The following LST1 variants were observed in gnomAD, a reference collection of about 807,000 sequenced individuals.
The protein encoded by LST1 is leukocyte-specific transcript 1 protein.
LST1 carries 9 observed loss-of-function variants against 8.5 expected under a neutral mutation model. The ratio of observed to expected loss-of-function variants is 1.06; its 90% CI spans 0.64 to 1.85. The LOEUF is 1.85. Ranked by LOEUF, LST1 falls within the 40% of genes most tolerant of loss-of-function variation. The pLI is 0.00. For missense variants in LST1, 121 were observed against 117.1 expected, an observed-to-expected ratio of 1.03 and a Z score of -0.16; for synonymous variants, 53 against 50.4, an observed-to-expected ratio of 1.05 and a Z score of -0.21.
At position 31,588,627 on chromosome 6, in the gene LST1, A is replaced by T; in HGVS notation, c.245A>T (p.Glu82Val). 13 of 1,613,162 alleles carry T rather than the reference A, an allele frequency of 8.1e-6. No homozygotes were observed. Among genetic ancestry groups the T allele is most frequent in the Non-Finnish European group, 8.5e-6 (10 of 1,180,032 alleles). ...LRGRDKRGTK[E>V]DPRADYACIA... ...GGCAGAGACAAGAGAGGCACCAAGGAGGATCCAAGAGCTGACTATGCCTGC... is the reference window on the plus strand; with the variant it reads ...GGCAGAGACAAGAGAGGCACCAAGGTGGATCCAAGAGCTGACTATGCCTGC... The change falls in exon 5 of 5, where the codon GAG (glutamate) becomes GTG (valine). Residue 82 changes from glutamate (E) to valine (V), a missense_variant. Coordinates refer to ENST00000438075, the MANE Select transcript of LST1 (RefSeq NM_205839.3).
chr6:31,588,372 A>G (rs1668497604), intron 4 of LST1, 146 bp from the exon 5 acceptor site: 8 of 792,082 alleles, frequency 1.0e-5, no homozygotes, highest in Non-Finnish European at 1.6e-5. Context: ...CTCCAAAGAA[A>G]AAAGAGAGAG....
chr6:31,588,078 G>C, intron 4 of LST1, 112 bp downstream of exon 4: 1 of 1,118,578 alleles, frequency 8.9e-7, no homozygotes, highest in East Asian at 2.4e-5. Context: ...CAAGGAGAGA[G>C]AAAGTAGGAG....
rs538858261 is a variant in LST1 at position 31,587,331 on chromosome 6, T to C, written c.19+13T>C. ...TCGCGGAATGATGGTAAGTAAAGTG[T>C]CTCTTGCATCTGCATAGAGAGAGTC... On this transcript the variant is annotated intron_variant, in intron 2 of 4. Coordinates refer to ENST00000438075, the MANE Select transcript of LST1 (RefSeq NM_205839.3). The C allele has an allele frequency of 6.2e-7, 1 of 1,613,284 alleles. No homozygotes were observed. Among genetic ancestry groups the C allele is most frequent in the East Asian group, 2.2e-5 (1 of 44,866 alleles).
intron 4 of LST1, 144 bp from the exon 5 acceptor site, chr6:31,588,374 A>AAGAGAGAG (rs9279359): frequency 1.7e-4 from 108 of 627,294 alleles, no homozygotes; most frequent in South Asian, 2.5e-4. Context: ...CCAAAGAAAA[A>AAGAGAGAG]AGAGAGAGAG....
chr6:31,588,374 AAGAGAGAGAG>A (rs9279359), intron 4 of LST1, 134 bp from the exon 5 acceptor site: 40 of 627,256 alleles, frequency 6.4e-5, no homozygotes, highest in African/African-American at 4.3e-4. Flanking sequence ...CCAAAGAAAA[AAGAGAGAGAG>A]AGAGAGAGAG....
Position 31,588,867 on chromosome 6 carries a change from A to T in LST1, c.*191A>T. ...GAATAGGGAATTTTTTAAATTTTTT[A>T]AAAATTAAAATAAAAAAAACACATG... On this transcript the variant is annotated 3_prime_UTR_variant, in exon 5 of 5. Transcript: ENST00000438075. 2.3e-6 allele frequency: 2 copies of T among 885,994 alleles called. No individual in the cohort carries two copies. The highest frequency in any genetic ancestry group is 1.7e-5 in the African/African-American group (1 of 58,896). 54.9% of individuals were successfully genotyped at this position (885,994 alleles called of 1,614,324 possible).
At position 31,588,789 on chromosome 6, in the gene LST1, G is replaced by A. The variant is rs768837009; in HGVS notation, c.*113G>A. On this transcript the variant is annotated 3_prime_UTR_variant, in exon 5 of 5. Transcript: ENST00000438075. ...TGTCTCAGTCCTCTCAGTCCATCTC[G>A]AGCCTCCGTTCAAATTGATCATCAT... 18 of 1,225,104 alleles carry A rather than the reference G, an allele frequency of 1.5e-5. No homozygotes were observed. The highest frequency in any genetic ancestry group is 2.3e-5 in the East Asian group (1 of 42,554). 75.9% of individuals were successfully genotyped at this position (1,225,104 alleles called of 1,614,324 possible). A position where few individuals can be genotyped will look rare whatever the true frequency, so the allele number is the denominator to read the frequency against.
rs143895001 is a variant in LST1 at position 31,587,310 on chromosome 6, G to A, written c.11G>A (p.Arg4Gln). MLS[R>Q]NDDICIYGGL... is the part of the protein sequence containing the mutation. ...CTGATCCCTGACCTAATGTTATCGC[G>A]GAATGATGGTAAGTAAAGTGTCTCT... The change falls in exon 2 of 5, where the codon CGG becomes CAG. Residue 4 changes from arginine to glutamine, a missense_variant. By Grantham distance (43) the Arg-to-Gln change is conservative (BLOSUM62 1). Coordinates refer to ENST00000438075, the MANE Select transcript of LST1 (RefSeq NM_205839.3). The A allele has an allele frequency of 2.1e-5, 34 of 1,613,046 alleles. No individual in the cohort carries two copies. Among genetic ancestry groups the A allele is most frequent in the Admixed American group, 6.7e-5 (4 of 60,006 alleles).
rs1051427055 is a variant in LST1 at position 31,588,182 on chromosome 6, G to C, written c.135+216G>C. On this transcript the variant is annotated intron_variant, in intron 4 of 4. Transcript: ENST00000438075. ...TGAGACAGAGGATAGGAGAGACAGG[G>C]AGAAAATGAGAGTGAGAGAGACACA... 3 of 571,690 alleles carry C rather than the reference G, an allele frequency of 5.2e-6. No individual in the cohort carries two copies. In the African/African-American group the frequency reaches 5.6e-5, roughly 11 times the overall value. 35.4% of individuals were successfully genotyped at this position (571,690 alleles called of 1,614,324 possible).
At chr6:31,588,082 G>C (rs532442715) in intron 4 of LST1, 116 bp downstream of exon 4, 1 of 1,095,126 alleles carries the variant, frequency 9.1e-7, no homozygotes, top group East Asian at 2.4e-5. Flanking sequence ...GAGAGAGAAA[G>C]TAGGAGCATG....
At chr6:31,586,835 C>A (rs1441922887) in intron 1 of LST1, 10 of 168,436 alleles carry the variant, frequency 5.9e-5, no homozygotes, top group Non-Finnish European at 1.2e-4. Context: ...TCCCTTCTTC[C>A]CCCCAGTGCC....
chr6:31,587,674 G>T lies in LST1; in HGVS notation c.53G>T (p.Gly18Val). Residue 18 changes from glycine to valine, a missense_variant, in exon 3 of 5, where the codon GGG (glycine) becomes GTG (valine). Coordinates refer to ENST00000438075, the MANE Select transcript of LST1 (RefSeq NM_205839.3). ...ATCTACGGGGGCCTGGGGCTGGGCGGGCTCCTGCTTCTGGCAGTGGTCCTT... is the reference window on the plus strand; with the variant it reads ...ATCTACGGGGGCCTGGGGCTGGGCGTGCTCCTGCTTCTGGCAGTGGTCCTT... ...ICIYGGLGLG[G>V]LLLLAVVLLS... The T allele has an allele frequency of 6.2e-7, 1 of 1,603,956 alleles. No individual in the cohort carries two copies. Among genetic ancestry groups the T allele is most frequent in the Non-Finnish European group, 8.5e-7 (1 of 1,176,328 alleles).
chr6:31,588,696 C>T lies in LST1; in HGVS notation c.*20C>T, dbSNP rs1203380119. On this transcript the variant is annotated 3_prime_UTR_variant, in exon 5 of 5. Coordinates refer to ENST00000438075, the MANE Select transcript of LST1 (RefSeq NM_205839.3). ...ACCTGAGCACCCCAGACACCTTCCT[C>T]AACCCAGGCGGGTGGACAGGGTCCC... The T allele has an allele frequency of 6.2e-7, 1 of 1,613,080 alleles. No individual in the cohort carries two copies. The highest frequency in any genetic ancestry group is 1.1e-5 in the South Asian group (1 of 91,082).
In LST1 at chr6:31,588,670, C is replaced by T; in HGVS notation, c.288C>T (p.Pro96=). 6.2e-7 allele frequency: 1 copy of T among 1,613,140 alleles called. No homozygotes were observed. The highest frequency in any genetic ancestry group is 8.5e-7 in the Non-Finnish European group (1 of 1,180,024). The change falls in exon 5 of 5, where the codon CCC becomes CCT. Residue 96 remains proline (P), a synonymous_variant. Transcript: ENST00000438075. The stretch of plus-strand genomic sequence containing the variant: ...ATGCCTGCATTGCTGAGAACAAACC[C>T]ACCTGAGCACCCCAGACACCTTCCT... The part of the protein sequence containing the change: ...ADYACIAENK[P]T
intron 4 of LST1, chr6:31,588,241 A>G: frequency 7.0e-6 from 4 of 569,434 alleles, no homozygotes; most frequent in East Asian, 2.8e-5. Flanking sequence ...AGAGAGAGAG[A>G]GGCTCCAGAA....
chr6:31,587,878 GGAGCCCGGGA>G, intron 3 of LST1, 56 bp from the exon 4 acceptor site: 1 of 1,572,912 alleles, frequency 6.4e-7, no homozygotes, highest in African/African-American at 1.4e-5. Flanking sequence ...GCTGGTGGGG[GGAGCCCGGGA>G]GGGCCCGGGA....
At chr6:31,587,085 C>A in intron 1 of LST1, 115 bp from the exon 2 acceptor site, 1 of 609,064 alleles carries the variant, frequency 1.6e-6, no homozygotes, top group South Asian at 2.0e-5. Flanking sequence ...CACCATGATA[C>A]CCTATGTTCT....
rs1180036067 is a variant in LST1, at chr6:31,588,547, C to T, written c.165C>T (p.His55=). The part of the protein sequence containing the change: ...WAQGSSEQEL[H]YASLQRLPVP... ...AGGGCTCCTCAGAGCAGGAACTCCA[C>T]TATGCATCTCTGCAGAGGCTGCCAG... Residue 55 remains histidine (H), a synonymous_variant, in exon 5 of 5, where the codon CAC becomes CAT. Coordinates refer to ENST00000438075, the MANE Select transcript of LST1 (RefSeq NM_205839.3). The T allele has an allele frequency of 1.9e-6, 3 of 1,611,362 alleles. No individual in the cohort carries two copies. Among genetic ancestry groups the T allele is most frequent in the Non-Finnish European group, 2.5e-6 (3 of 1,179,298 alleles).
chr6:31,587,225 GC>G lies in LST1; in HGVS notation c.-71del. 1.0e-6 allele frequency: 1 copy of G among 968,710 alleles called. No homozygotes were observed. The highest frequency in any genetic ancestry group is 1.7e-6 in the Non-Finnish European group (1 of 597,642). 60.0% of individuals were successfully genotyped at this position (968,710 alleles called of 1,614,324 possible). On this transcript the variant is annotated 5_prime_UTR_variant, in exon 2 of 5. The change abolishes the stop of an existing upstream ORF in the 5' untranslated region. Coordinates refer to ENST00000438075, the MANE Select transcript of LST1 (RefSeq NM_205839.3). ...ATGAGGAACTTGAGGCAAGTCACCA[GC>G]CCCTGATCATTTCGCCTAAAAGAGC...
Sources: allele counts gnomAD v4.1 joint callset, GRCh38; gene constraint gnomAD v4.1.1; transcripts MANE v1.5; gene names NCBI Gene and HGNC (gene_info 2026-07-23, HGNC 2026-07-21).